Variants in BTBD9 observed in about 807,000 individuals in gnomAD.
BTBD9 encodes BTB/POZ domain-containing protein 9.
A neutral mutation model predicts 64.3 loss-of-function variants in BTBD9; 49 were observed. The ratio of observed to expected loss-of-function variants is 0.76; its 90% CI spans 0.61 to 0.97. The LOEUF is 0.97. Among genes scored for constraint, BTBD9 ranks in the 50% least tolerant of loss-of-function variants. The pLI is 0.00. For synonymous variants in BTBD9, 260 were observed against 274.7 expected, an observed-to-expected ratio of 0.95 and a Z score of 0.53; for missense variants, 598 against 762.1, an observed-to-expected ratio of 0.78 and a Z score of 2.53.
chr6:38,266,618 GAAAGAAAGA>G (rs1561947171), intron 8 of BTBD9, among the ~76,000 whole-genome samples: 3 of 16,084 alleles, frequency 1.9e-4, no homozygotes, highest in East Asian at 7.5e-4. Context: ...AAGAAAGAAA[GAAAGAAAGA>G]AAGAAAGAAA....
chr6:38,552,268 T>G (rs1229035419), intron 6 of BTBD9, among the ~76,000 whole-genome samples: 1 of 152,182 alleles, frequency 6.6e-6, no homozygotes, highest in African/African-American at 2.4e-5. Context: ...TCCAGCATAC[T>G]TAGGCTTACA....
chr6:38,512,073 A>G (rs1246801171), intron 6 of BTBD9, among the ~76,000 whole-genome samples: 1 of 152,162 alleles, frequency 6.6e-6, no homozygotes, highest in Non-Finnish European at 1.5e-5. Flanking sequence ...TCCCGGGTTC[A>G]AGTGATTCTC....
At chr6:38,616,715 T>C (rs987299553) in intron 1 of BTBD9, among the ~76,000 whole-genome samples, 1 of 151,862 alleles carries the variant, frequency 6.6e-6, no homozygotes, top group Non-Finnish European at 1.5e-5. Context: ...AAACGAAACA[T>C]GGGAGGGGAC....
chr6:38,445,719 T>C (rs1044133327), intron 6 of BTBD9, among the ~76,000 whole-genome samples: 3 of 152,186 alleles, frequency 2.0e-5, no homozygotes, highest in Non-Finnish European at 4.4e-5. Flanking sequence ...AATGACTATA[T>C]ATTGAAAGAA....
chr6:38,446,339 G>T (rs1769276951), intron 6 of BTBD9, among the ~76,000 whole-genome samples: 2 of 151,900 alleles, frequency 1.3e-5, no homozygotes, highest in Admixed American at 1.3e-4. Context: ...GTTAAGAGCA[G>T]AAGTTTAATA....
At chr6:38,193,011 A>T (rs1762146830) in intron 9 of BTBD9, among the ~76,000 whole-genome samples, 1 of 152,066 alleles carries the variant, frequency 6.6e-6, no homozygotes, top group Admixed American at 6.5e-5. Flanking sequence ...CATATGTGAC[A>T]GGCCTGCACG....
rs542134212 is a variant in BTBD9, at chr6:38,215,265, T to C, written c.1563-22668A>G. ...CTGGCAATTCACCTTTTCCATGATA[T>C]TTTCTATCACTTGTATTTTGGAGCA... On this transcript the variant is annotated intron_variant, in intron 9 of 10. Transcript: ENST00000481247. 1.9e-3 allele frequency among the ~76,000 whole-genome samples: 282 copies of C among 152,346 alleles called. 1 individual carries two copies. Among genetic ancestry groups the C allele is most frequent in the African/African-American group, 6.6e-3 (275 of 41,572 alleles).
intron 7 of BTBD9, among the ~76,000 whole-genome samples, chr6:38,303,967 G>A (rs2127566022): frequency 6.9e-6 from 1 of 145,252 alleles, no homozygotes; most frequent in Admixed American, 6.9e-5. Flanking sequence ...ATATATATAT[G>A]TGCTGGTGAA....
chr6:38,341,845 G>A (rs1247408526), intron 7 of BTBD9, among the ~76,000 whole-genome samples: 1 of 152,206 alleles, frequency 6.6e-6, no homozygotes, highest in Non-Finnish European at 1.5e-5. Flanking sequence ...GGCTGTAGTG[G>A]CAGCAGCAAA....
At chr6:38,227,259 G>T (rs1169895995) in intron 9 of BTBD9, among the ~76,000 whole-genome samples, 1 of 152,136 alleles carries the variant, frequency 6.6e-6, no homozygotes, top group Non-Finnish European at 1.5e-5. Context: ...CCACTTTTAG[G>T]GTTTGTACTT....
At chr6:38,500,087 T>G (rs1005822900) in intron 6 of BTBD9, among the ~76,000 whole-genome samples, 1 of 152,170 alleles carries the variant, frequency 6.6e-6, no homozygotes, top group African/African-American at 2.4e-5. Flanking sequence ...ATACTTTCCA[T>G]GTGGCAATGG....
At chr6:38,507,991 A>G (rs1222055471) in intron 6 of BTBD9, among the ~76,000 whole-genome samples, 1 of 149,860 alleles carries the variant, frequency 6.7e-6, no homozygotes, top group African/African-American at 2.5e-5. Context: ...CCGCCACCAC[A>G]CCCCCCTAAT....
chr6:38,359,765 G>A lies in BTBD9; in HGVS notation c.1155-14672C>T, dbSNP rs113135414. Reference sequence around the variant, plus strand: ...TTCTATTTATGAGCAGGTTTCCTAGGAAAGGTGTTCAAACTATCGGCTCAA... The same window carrying A: ...TTCTATTTATGAGCAGGTTTCCTAGAAAAGGTGTTCAAACTATCGGCTCAA... On this transcript the variant is annotated intron_variant, in intron 6 of 10. Coordinates refer to ENST00000481247, the MANE Select transcript of BTBD9 (RefSeq NM_001099272.2). Among the ~76,000 whole-genome samples, 1,066 of 152,244 alleles carry A rather than the reference G, an allele frequency of 7.0e-3. 10 individuals carry two copies. Among genetic ancestry groups the A allele is most frequent in the African/African-American group, 0.024 (996 of 41,520 alleles).
rs529284748 is a variant in BTBD9 at position 38,200,713 on chromosome 6, G to A, written c.1563-8116C>T. On this transcript the variant is annotated intron_variant, in intron 9 of 10. Transcript: ENST00000481247. ...CATGCAATCTATCAAGATTGAATCA[G>A]GAAGAAATAGAAAACGTGAACAGAT... Among the ~76,000 whole-genome samples the A allele has an allele frequency of 2.0e-5, 3 of 152,222 alleles. No homozygotes were observed. The South Asian group carries it at 6.2e-4, about 32-fold the overall frequency.
intron 6 of BTBD9, among the ~76,000 whole-genome samples, chr6:38,389,913 T>C (rs545398370): frequency 4.5e-4 from 69 of 152,342 alleles, no homozygotes; most frequent in African/African-American, 1.6e-3. Flanking sequence ...CTTTATGTTA[T>C]GCAGCTGGGA....
At chr6:38,333,606 T>G (rs1763762595) in intron 7 of BTBD9, among the ~76,000 whole-genome samples, 1 of 152,074 alleles carries the variant, frequency 6.6e-6, no homozygotes, top group Non-Finnish European at 1.5e-5. Flanking sequence ...CTTCCTTCAC[T>G]CTTTCTCTCT....
chr6:38,347,073 T>C (rs1374720790), intron 6 of BTBD9, among the ~76,000 whole-genome samples: 1 of 152,194 alleles, frequency 6.6e-6, no homozygotes, highest in African/African-American at 2.4e-5. Flanking sequence ...CCTTCCCTCC[T>C]GTTCTTTCTT....
intron 9 of BTBD9, among the ~76,000 whole-genome samples, chr6:38,243,256 G>A (rs1291574509): frequency 5.9e-5 from 9 of 152,186 alleles, no homozygotes; most frequent in African/African-American, 2.2e-4. Flanking sequence ...TTGAAATCTG[G>A]ACATGTGGTT....
At chr6:38,360,442 C>CTAAAAAAAAAAAAAAAACAAGTCAAT (rs1460459760) in intron 6 of BTBD9, among the ~76,000 whole-genome samples, 12 of 152,202 alleles carry the variant, frequency 7.9e-5, no homozygotes, top group Non-Finnish European at 1.5e-4. Flanking sequence ...AAGTCAATCT[C>CTAAAAAAAAAAAAAAAACAAGTCAAT]TAAAAAAGGT....
Sources: gnomAD v4.1 joint callset for allele counts (sites outside exome capture counted in the v4.1 genomes callset) on GRCh38, gnomAD v4.1.1 for gene constraint, MANE v1.5 for transcripts, NCBI Gene and HGNC (gene_info 2026-07-23, HGNC 2026-07-21) for gene names.